The following RBFOX1 variants were observed in gnomAD, a reference collection of about 807,000 sequenced individuals.
RBFOX1 encodes RNA binding fox-1 homolog 1, also known as RNA binding protein fox-1 homolog 1.
A neutral mutation model predicts 57.7 loss-of-function variants in RBFOX1; 8 were observed. The observed-to-expected ratio is 0.14, with a 90% CI of 0.08 to 0.25. The LOEUF is 0.25. RBFOX1 is among the 10% of genes least tolerant of loss of function. RBFOX1 has a pLI of 1.00. For missense variants in RBFOX1, 611 were observed against 548.5 expected, an observed-to-expected ratio of 1.11 and a Z score of -1.14; for synonymous variants, 326 against 222.4, an observed-to-expected ratio of 1.47 and a Z score of -4.15.
chr16:6,995,419 T>A (rs1696102980), intron 3 of RBFOX1, among the ~76,000 whole-genome samples: 1 of 151,802 alleles, frequency 6.6e-6, no homozygotes, highest in Non-Finnish European at 1.5e-5. Flanking sequence ...GATAGACCTA[T>A]GGGGTGTTTT....
At chr16:6,607,240 C>G (rs1272770940) in intron 2 of RBFOX1, among the ~76,000 whole-genome samples, 2 of 152,046 alleles carry the variant, frequency 1.3e-5, no homozygotes, top group Admixed American at 1.3e-4. Context: ...GTGCTTTGAA[C>G]CATCTTGGAA....
intron 2 of RBFOX1, among the ~76,000 whole-genome samples, chr16:6,504,561 C>G (rs1332674697): frequency 6.6e-6 from 1 of 152,092 alleles, no homozygotes; most frequent in Non-Finnish European, 1.5e-5. Context: ...GATGAGTTTG[C>G]CTATCTACAT....
At chr16:6,253,211 C>T (rs2097634982) in intron 1 of RBFOX1, among the ~76,000 whole-genome samples, 1 of 152,184 alleles carries the variant, frequency 6.6e-6, no homozygotes. Context: ...GGAAGTTCAA[C>T]ATGAGGGATT....
chr16:6,333,866 C>A (rs2083324630), intron 2 of RBFOX1, among the ~76,000 whole-genome samples: 2 of 152,280 alleles, frequency 1.3e-5, no homozygotes, highest in South Asian at 4.1e-4. Flanking sequence ...TGATTTTCTA[C>A]TGTCTCATTA....
chr16:7,565,102 A>G lies in RBFOX1; in HGVS notation c.271-14675A>G, dbSNP rs369051478. On this transcript the variant is annotated intron_variant, in intron 5 of 15. Transcript: ENST00000550418. ...TGCACGAGCCCCGTTTTGAAGTAGGATTGTGAGAAGACCCGAAGTGTGGGT... is the reference window on the plus strand; with the variant it reads ...TGCACGAGCCCCGTTTTGAAGTAGGGTTGTGAGAAGACCCGAAGTGTGGGT... 1.2e-4 allele frequency among the ~76,000 whole-genome samples: 18 copies of G among 152,286 alleles called. No individual in the cohort carries two copies. In the South Asian group the frequency reaches 2.1e-3, roughly 18 times the overall value.
chr16:6,260,641 G>A (rs898440669), intron 1 of RBFOX1, among the ~76,000 whole-genome samples: 9 of 152,196 alleles, frequency 5.9e-5, no homozygotes, highest in Non-Finnish European at 8.8e-5. Context: ...ACTTTGGGAG[G>A]CCGAGGCAGG....
chr16:5,583,265 C>T (rs1339745217), intron 2 of RBFOX1, among the ~76,000 whole-genome samples: 1 of 152,184 alleles, frequency 6.6e-6, no homozygotes, highest in African/African-American at 2.4e-5. Context: ...GGACTCCATA[C>T]TTCTATATTT....
chr16:6,857,430 C>T (rs1341591841), intron 3 of RBFOX1, among the ~76,000 whole-genome samples: 1 of 152,142 alleles, frequency 6.6e-6, no homozygotes, highest in Non-Finnish European at 1.5e-5. Context: ...TGTACGCCAG[C>T]TGAAAGAGTT....
intron 4 of RBFOX1, among the ~76,000 whole-genome samples, chr16:7,114,630 C>A (rs1314608512): frequency 6.6e-6 from 1 of 152,174 alleles, no homozygotes; most frequent in African/African-American, 2.4e-5. Flanking sequence ...TTCTGAAACG[C>A]CTTTTCTTCC....
At chr16:7,652,060 G>A (rs2065175068) in intron 11 of RBFOX1, among the ~76,000 whole-genome samples, 1 of 152,046 alleles carries the variant, frequency 6.6e-6, no homozygotes, top group Non-Finnish European at 1.5e-5. Context: ...TTGGTTATCA[G>A]GGGACAGGGG....
intron 1 of RBFOX1, among the ~76,000 whole-genome samples, chr16:6,233,097 C>G (rs1258633443): frequency 6.6e-6 from 1 of 152,130 alleles, no homozygotes; most frequent in African/African-American, 2.4e-5. Flanking sequence ...GCAGGGCCAG[C>G]TGCTGGGTGA....
At chr16:6,179,115 G>C (rs1047690466) in intron 1 of RBFOX1, among the ~76,000 whole-genome samples, 8 of 152,156 alleles carry the variant, frequency 5.3e-5, no homozygotes, top group African/African-American at 1.9e-4. Context: ...GATGTGGAAA[G>C]AAATCTAGAA....
At chr16:7,237,242 G>A (rs76493233) in intron 4 of RBFOX1, among the ~76,000 whole-genome samples, 6 of 152,286 alleles carry the variant, frequency 3.9e-5, no homozygotes, top group African/African-American at 1.2e-4. Context: ...AAGACCACAT[G>A]CTGGATCAGC....
In RBFOX1 at chr16:5,467,180, C is replaced by G. The variant is rs962637885; in HGVS notation, c.220-36C>G. 4.9e-6 allele frequency: 7 copies of G among 1,437,682 alleles called. No homozygotes were observed. In the African/African-American group the frequency reaches 7.6e-5, roughly 16 times the overall value. The allele number at this position is 1,437,682 out of a possible 1,614,324, so 89.1% of individuals were successfully genotyped here. A position where few individuals can be genotyped will look rare whatever the true frequency, so the allele number is the denominator to read the frequency against. ...AATGTAGACTCAATGTTTCTTCTCT[C>G]TCTCTCTCTCTCTCTCTTTTTTTTT... On this transcript the variant is annotated intron_variant, in intron 1 of 2. Coordinates refer to the RBFOX1 transcript ENST00000585867.
intron 3 of RBFOX1, among the ~76,000 whole-genome samples, chr16:6,723,029 A>T (rs2154165834): frequency 6.6e-6 from 1 of 152,244 alleles, no homozygotes; most frequent in African/African-American, 2.4e-5. Flanking sequence ...AGATAAGTGG[A>T]AAGGATCTGA....
intron 3 of RBFOX1, among the ~76,000 whole-genome samples, chr16:5,730,502 A>T (rs1333168459): frequency 6.6e-6 from 1 of 152,180 alleles, no homozygotes. Context: ...AGATTTGACC[A>T]ACTAGCTTAA....
chr16:6,963,082 C>T lies in RBFOX1; in HGVS notation c.-15-88975C>T, dbSNP rs557945115. Among the ~76,000 whole-genome samples, 6 of 152,236 alleles carry T rather than the reference C, an allele frequency of 3.9e-5. 1 individual carries two copies. Among genetic ancestry groups the T allele is most frequent in the South Asian group, 4.2e-4 (2 of 4,808 alleles). On this transcript the variant is annotated intron_variant, in intron 3 of 15. Transcript: ENST00000550418. Reference sequence around the variant, plus strand: ...CCCAAGTCAAATGCTCCAGGCCCACCTTCCCTCTCCTTTACTGAGGAAGTC... The same window carrying T: ...CCCAAGTCAAATGCTCCAGGCCCACTTTCCCTCTCCTTTACTGAGGAAGTC...
intron 3 of RBFOX1, among the ~76,000 whole-genome samples, chr16:5,774,515 G>C (rs967382208): frequency 5.3e-5 from 8 of 152,160 alleles, no homozygotes; most frequent in African/African-American, 1.9e-4. Flanking sequence ...ACAAGGAGAG[G>C]TTATGCAGCT....
At chr16:5,828,571 C>T (rs187022777) in intron 3 of RBFOX1, among the ~76,000 whole-genome samples, 23 of 152,142 alleles carry the variant, frequency 1.5e-4, no homozygotes, top group Admixed American at 9.2e-4. Flanking sequence ...TGGTGGTGCA[C>T]GCCTGTAGTC....
Sources: allele counts gnomAD v4.1 joint callset (sites outside exome capture counted in the v4.1 genomes callset), GRCh38; gene constraint gnomAD v4.1.1; transcripts MANE v1.5; gene names NCBI Gene and HGNC (gene_info 2026-07-23, HGNC 2026-07-21).